Variants in IL7 observed in about 807,000 individuals in gnomAD.
IL7 encodes the protein interleukin 7.
A neutral mutation model predicts 21.6 loss-of-function variants in IL7; 3 were observed. The ratio of observed to expected loss-of-function variants is 0.14; its 90% confidence interval spans 0.06 to 0.36. IL7 has a LOEUF of 0.36. Ranked by LOEUF, IL7 falls within the 10% of genes least tolerant of loss-of-function variation. The pLI is 1.00. For missense variants in IL7, 175 were observed against 200.2 expected, an observed-to-expected ratio of 0.87 and a Z score of 0.76; for synonymous variants, 62 against 68.1, an observed-to-expected ratio of 0.91 and a Z score of 0.44.
intron 2 of IL7, among the ~76,000 whole-genome samples, chr8:78,749,232 T>C (rs1563419346): frequency 6.6e-6 from 1 of 152,182 alleles, no homozygotes; most frequent in Non-Finnish European, 1.5e-5. Flanking sequence ...ACTAAGTCAA[T>C]TCCTTAACAC....
In IL7 at chr8:78,722,115, T is replaced by C. The variant is rs142715945; in HGVS notation, n.268-675A>G. On this transcript the variant is annotated intron_variant and non_coding_transcript_variant, in intron 3 of 6. Transcript: ENST00000519833. ...TTGGTAAGTTATCTTTTATATTTTG[T>C]ATATTGTCAATTTTTAAAATAAATG... Among the ~76,000 whole-genome samples, 1,266 of 152,122 alleles carry C rather than the reference T, an allele frequency of 8.3e-3. 15 individuals carry two copies. Among genetic ancestry groups the C allele is most frequent in the Admixed American group, 0.026 (398 of 15,268 alleles).
intron 2 of IL7, among the ~76,000 whole-genome samples, chr8:78,786,888 C>T (rs556098258): frequency 2.6e-5 from 4 of 152,260 alleles, no homozygotes; most frequent in African/African-American, 9.6e-5. Context: ...TCGGCCCCAT[C>T]CCCCAGCTTC....
Position 78,678,675 on chromosome 8 carries a change from C to T in IL7, n.274-2571G>A, listed in dbSNP as rs372195442. On this transcript the variant is annotated intron_variant and non_coding_transcript_variant, in intron 4 of 4. Transcript: ENST00000523959. ...ATTCCAACAGTAAAACCTCTCAAAC[C>T]GAGGGTAACTATATAACCTTTTGAA... 3.8e-5 allele frequency: 61 copies of T among 1,602,864 alleles called. No individual in the cohort carries two copies. Among genetic ancestry groups the T allele is most frequent in the Non-Finnish European group, 4.8e-5 (56 of 1,175,356 alleles).
downstream of IL7, among the ~76,000 whole-genome samples, chr8:78,714,151 A>G (rs1217645396): frequency 6.6e-6 from 1 of 152,132 alleles, no homozygotes; most frequent in Non-Finnish European, 1.5e-5. Context: ...AGCTCTATAG[A>G]GAGGGAGGGA....
chr8:78,682,761 A>G (rs1809830778), intron 4 of IL7, among the ~76,000 whole-genome samples: 1 of 152,184 alleles, frequency 6.6e-6, no homozygotes, highest in Non-Finnish European at 1.5e-5. Context: ...CATTAACCCT[A>G]AAGTCCACAG....
intron 2 of IL7, chr8:78,747,164 T>C: frequency 2.3e-6 from 1 of 440,686 alleles, no homozygotes; most frequent in East Asian, 7.0e-5. Context: ...ATAAAGTTGG[T>C]CCCTATAGAA....
At chr8:78,754,223 CA>C (rs1242685150) in intron 2 of IL7, among the ~76,000 whole-genome samples, 2 of 152,218 alleles carry the variant, frequency 1.3e-5, no homozygotes, top group East Asian at 3.9e-4. Flanking sequence ...AATCAATGTG[CA>C]AAAATCACAA....
chr8:78,734,528 A>C (rs1170690151), intron 5 of IL7, among the ~76,000 whole-genome samples: 1 of 152,200 alleles, frequency 6.6e-6, no homozygotes, highest in Non-Finnish European at 1.5e-5. Flanking sequence ...GATCACAAAT[A>C]TAAAGCATAC....
rs1811477053 is a variant in IL7, at chr8:78,733,457, A to G, written c.*256T>C. The G allele has an allele frequency of 6.1e-5, 18 of 292,706 alleles. No homozygotes were observed. In the South Asian group the frequency reaches 9.2e-4, roughly 15 times the overall value. The allele number at this position is 292,706 out of a possible 1,614,324, so 18.1% of individuals were successfully genotyped here. On this transcript the variant is annotated 3_prime_UTR_variant, in exon 6 of 6. Transcript: ENST00000263851. The stretch of plus-strand genomic sequence containing the variant: ...ACCTTACATGGATTGTCTTACAAAA[A>G]TCAGTACAGAATTATACTGATTGAT...
At chr8:78,723,008 A>C (rs1483572) in intron 3 of IL7, among the ~76,000 whole-genome samples, 82,284 of 149,732 alleles carry the variant, frequency 0.55, 24,932 homozygotes, top group South Asian at 0.7. Flanking sequence ...AATAACCATA[A>C]AAAATAGGGG....
intron 3 of IL7, among the ~76,000 whole-genome samples, chr8:78,705,915 T>G (rs1324219422): frequency 6.6e-6 from 1 of 152,126 alleles, no homozygotes; most frequent in Non-Finnish European, 1.5e-5. Context: ...CCCAGTTGGC[T>G]TTGGCTCTCT....
chr8:78,709,863 G>A (rs1810900534), intron 3 of IL7, among the ~76,000 whole-genome samples: 1 of 152,152 alleles, frequency 6.6e-6, no homozygotes, highest in African/African-American at 2.4e-5. Flanking sequence ...CAACAGAGGT[G>A]TGCAAAGATA....
intron 2 of IL7, among the ~76,000 whole-genome samples, chr8:78,781,009 T>C (rs1048729989): frequency 1.8e-4 from 28 of 152,374 alleles, no homozygotes; most frequent in Middle Eastern, 3.4e-3. Context: ...TTGATCTTTA[T>C]TGGTTTAAAG....
chr8:78,686,198 T>G (rs1019461343), intron 3 of IL7, among the ~76,000 whole-genome samples: 3 of 152,118 alleles, frequency 2.0e-5, no homozygotes, highest in African/African-American at 7.2e-5. Flanking sequence ...AGCAACAGTC[T>G]TAGTGGGAGG....
At chr8:78,760,280 C>A (rs1812505643) in intron 2 of IL7, 1 of 1,606,988 alleles carries the variant, frequency 6.2e-7, no homozygotes, top group Non-Finnish European at 8.5e-7. Flanking sequence ...AGTTACTTGA[C>A]CTTTGGTCTG....
intron 3 of IL7, among the ~76,000 whole-genome samples, chr8:78,690,141 T>G (rs1445105898): frequency 6.6e-6 from 1 of 152,208 alleles, no homozygotes; most frequent in African/African-American, 2.4e-5. Context: ...GGACATGCTG[T>G]TCTGTTCCAT....
rs33976248 is a variant in IL7, at chr8:78,735,293, G to GTT, written c.414+1179_414+1180dup. Among the ~76,000 whole-genome samples the GTT allele has an allele frequency of 1.7e-3, 121 of 69,556 alleles. 1 individual carries two copies. Among genetic ancestry groups the GTT allele is most frequent in the African/African-American group, 4.0e-3 (70 of 17,480 alleles). The allele number at this position is 69,556 out of a possible 152,430, so 45.6% of individuals were successfully genotyped here. ...TTTCTTTTCTTTTTTTTTTTTTTTTGTTTTTTTTTTTTTGCTCTGTTTTTT... is the reference window on the plus strand; with the variant it reads ...TTTCTTTTCTTTTTTTTTTTTTTTTGTTTTTTTTTTTTTTTGCTCTGTTTTTT... On this transcript the variant is annotated intron_variant, in intron 5 of 5. Coordinates refer to ENST00000263851, the MANE Select transcript of IL7 (RefSeq NM_000880.4).
At chr8:78,713,525 T>C (rs1010740545), downstream of IL7, among the ~76,000 whole-genome samples, 7 of 151,816 alleles carry the variant, frequency 4.6e-5, no homozygotes, top group Admixed American at 1.3e-4. Context: ...TTCCTAAAGA[T>C]TGAATTTCTA....
intron 2 of IL7, among the ~76,000 whole-genome samples, chr8:78,764,994 T>C (rs1246686014): frequency 6.6e-6 from 1 of 152,052 alleles, no homozygotes; most frequent in East Asian, 1.9e-4. Context: ...AATAGATCAA[T>C]GGACCAGAAT....
Sources: gnomAD v4.1 joint callset for allele counts (sites outside exome capture counted in the v4.1 genomes callset) on GRCh38, gnomAD v4.1.1 for gene constraint, MANE v1.5 for transcripts, NCBI Gene and HGNC (gene_info 2026-07-23, HGNC 2026-07-21) for gene names.